ELF1: variants seen among roughly 807,000 people sequenced by gnomAD.
ELF1 encodes the protein ETS-related transcription factor Elf-1.
Under a neutral mutation model 59.9 loss-of-function variants are expected in ELF1, and 24 were observed. That is an observed-to-expected ratio of 0.40 (90% CI 0.29 to 0.56). The LOEUF is 0.56. Among genes scored for constraint, ELF1 ranks in the 20% least tolerant of loss-of-function variants. The pLI, the probability that ELF1 is intolerant of heterozygous loss-of-function variation, is 0.44. For synonymous variants in ELF1, 248 were observed against 266.2 expected (o/e 0.93, Z 0.67); for missense variants, 627 against 742.2 (o/e 0.84, Z 1.80).
intron 1 of ELF1, among the ~76,000 whole-genome samples, chr13:41,017,987 T>C (rs1054966954): frequency 1.3e-5 from 2 of 152,170 alleles, no homozygotes; most frequent in Non-Finnish European, 2.9e-5. Flanking sequence ...GATCTGTTAA[T>C]ATCAACAATC....
At chr13:41,026,539 C>T (rs1026600606) in intron 1 of ELF1, among the ~76,000 whole-genome samples, 1 of 152,140 alleles carries the variant, frequency 6.6e-6, no homozygotes, top group Admixed American at 6.6e-5. Context: ...GTTGGCAGGC[C>T]TCTCTCTATA....
chr13:40,935,412 G>A (rs1465781789), intron 8 of ELF1, among the ~76,000 whole-genome samples: 15 of 152,152 alleles, frequency 9.9e-5, no homozygotes, highest in Admixed American at 9.8e-4. Context: ...TATGCAGTCT[G>A]TTTCTCACAT....
chr13:40,942,862 T>G, intron 7 of ELF1, 90 bp downstream of exon 7: 1 of 1,308,136 alleles, frequency 7.6e-7, no homozygotes, highest in Non-Finnish European at 1.0e-6. Context: ...TTACCACTAT[T>G]GGTGCTTTGC....
intron 5 of ELF1, among the ~76,000 whole-genome samples, chr13:40,947,124 C>CA (rs538619972): frequency 0.1 from 11,228 of 111,376 alleles, 866 homozygotes; most frequent in East Asian, 0.44. Context: ...GACTCCATCT[C>CA]AAAAAAAAAA....
intron 3 of ELF1, among the ~76,000 whole-genome samples, chr13:40,954,399 C>T (rs1310691492): frequency 8.2e-6 from 1 of 121,956 alleles, no homozygotes; most frequent in Non-Finnish European, 1.9e-5. Flanking sequence ...CTCATGAGAT[C>T]TAGTGGTTTG....
At chr13:40,937,598 T>A (rs1297620671) in intron 8 of ELF1, among the ~76,000 whole-genome samples, 1 of 151,844 alleles carries the variant, frequency 6.6e-6, no homozygotes, top group Admixed American at 6.6e-5. Context: ...GCCTCCCAAG[T>A]AGCTGGGATT....
At chr13:41,038,632 T>C (rs1177972495) in intron 1 of ELF1, among the ~76,000 whole-genome samples, 1 of 152,256 alleles carries the variant, frequency 6.6e-6, no homozygotes, top group Non-Finnish European at 1.5e-5. Context: ...CAAAAATTTT[T>C]AAGTCCCTAT....
chr13:40,969,590 T>G (rs1872399816), intron 2 of ELF1, among the ~76,000 whole-genome samples: 1 of 152,246 alleles, frequency 6.6e-6, no homozygotes, highest in African/African-American at 2.4e-5. Context: ...AATTTTTAGA[T>G]TAGCCTAGTG....
At chr13:40,997,635 C>T (rs1285600604) in intron 1 of ELF1, among the ~76,000 whole-genome samples, 1 of 152,070 alleles carries the variant, frequency 6.6e-6, no homozygotes, top group Admixed American at 6.6e-5. Context: ...TCAAGCATTC[C>T]TCCCACCTTG....
At chr13:40,956,571 C>CAAAAAAA (rs34245662) in intron 3 of ELF1, among the ~76,000 whole-genome samples, 2 of 76,142 alleles carry the variant, frequency 2.6e-5, no homozygotes, top group African/African-American at 4.6e-5. Context: ...CAAGAATGAT[C>CAAAAAAA]AAAAAAAAAA....
chr13:40,997,261 C>CT (rs869309677), intron 1 of ELF1, among the ~76,000 whole-genome samples: 3 of 151,394 alleles, frequency 2.0e-5, no homozygotes, highest in Admixed American at 1.3e-4. Flanking sequence ...TTATTTTAAT[C>CT]TTTTTTTTTC....
At chr13:40,968,074 T>C (rs578244922) in intron 2 of ELF1, among the ~76,000 whole-genome samples, 1 of 152,314 alleles carries the variant, frequency 6.6e-6, no homozygotes, top group East Asian at 1.9e-4. Context: ...TAAAAGCAAA[T>C]GTTGATACAT....
intron 2 of ELF1, among the ~76,000 whole-genome samples, chr13:40,973,521 G>A (rs1032988886): frequency 1.3e-5 from 2 of 152,078 alleles, no homozygotes; most frequent in African/African-American, 4.8e-5. Context: ...TGTGTTCACT[G>A]AAATGGAAAG....
At chr13:41,025,285 G>A (rs1369650727) in intron 1 of ELF1, among the ~76,000 whole-genome samples, 1 of 151,974 alleles carries the variant, frequency 6.6e-6, no homozygotes, top group East Asian at 1.9e-4. Context: ...TCCTATGCCC[G>A]ACCTCTGCCT....
chr13:41,005,462 A>C (rs954922917), intron 1 of ELF1, among the ~76,000 whole-genome samples: 1 of 151,190 alleles, frequency 6.6e-6, no homozygotes, highest in African/African-American at 2.4e-5. Flanking sequence ...AAAAAAAAAA[A>C]AAAAAAAACC....
intron 1 of ELF1, among the ~76,000 whole-genome samples, chr13:41,058,950 G>A (rs1877387493): frequency 2.0e-5 from 3 of 152,154 alleles, no homozygotes; most frequent in Non-Finnish European, 4.4e-5. Context: ...TCCAGCCTGG[G>A]TTAACAGAGC....
chr13:40,955,753 G>A (rs369876030), intron 3 of ELF1, among the ~76,000 whole-genome samples: 38,287 of 68,764 alleles, frequency 0.56, 10,305 homozygotes, highest in Non-Finnish European at 0.69. Context: ...CCGGCCAGCC[G>A]CCCCGTCCGG....
Position 40,972,901 on chromosome 13 carries a change from C to A in ELF1, c.72+9082G>T, listed in dbSNP as rs556539343. Among the ~76,000 whole-genome samples the A allele has an allele frequency of 5.9e-5, 9 of 152,180 alleles. No homozygotes were observed. In the South Asian group the frequency reaches 1.7e-3, roughly 28 times the overall value. On this transcript the variant is annotated intron_variant, in intron 2 of 8. Transcript: ENST00000239882. ...ACTAATCAATCACTGTTTAAAAAAT[C>A]ATCTCCCACCTAAGTCTTTAAATAA...
At chr13:40,998,561 T>A (rs940747295) in intron 1 of ELF1, among the ~76,000 whole-genome samples, 2 of 152,236 alleles carry the variant, frequency 1.3e-5, no homozygotes, top group Non-Finnish European at 2.9e-5. Context: ...TATGCCTGTA[T>A]GTGGTATTTA....
Sources: gnomAD v4.1 joint callset for allele counts (sites outside exome capture counted in the v4.1 genomes callset) on GRCh38, gnomAD v4.1.1 for gene constraint, MANE v1.5 for transcripts, NCBI Gene and HGNC (gene_info 2026-07-23, HGNC 2026-07-21) for gene names.